The following TRIM63 variants were observed in gnomAD, a reference collection of about 807,000 sequenced individuals.
TRIM63 encodes the protein E3 ubiquitin-protein ligase TRIM63.
TRIM63 carries 48 observed loss-of-function variants against 46.0 expected under a neutral mutation model. The ratio of observed to expected loss-of-function variants is 1.04; its 90% confidence interval spans 0.83 to 1.33. The LOEUF is 1.33. Ranked by LOEUF, TRIM63 falls within the 40% of genes most tolerant of loss-of-function variation. The probability of loss-of-function intolerance (pLI) is 0.00; values close to 1 mark genes in which losing one functional copy is unlikely to be tolerated. For missense variants in TRIM63, 455 were observed against 441.2 expected (o/e 1.03, Z -0.28); for synonymous variants, 175 against 162.8 (o/e 1.08, Z -0.57).
intron 8 of TRIM63, among the ~76,000 whole-genome samples, chr1:26,052,227 C>CCACT (rs2050528716): frequency 6.6e-6 from 1 of 152,178 alleles, no homozygotes; most frequent in Non-Finnish European, 1.5e-5. Context: ...TATTCACTTC[C>CCACT]CACTACAACC....
At position 26,061,349 on chromosome 1, in the gene TRIM63, A is replaced by T; in HGVS notation, c.333-15T>A. On this transcript the variant is annotated splice_polypyrimidine_tract_variant and intron_variant, in intron 2 of 8. Transcript: ENST00000374272. ...GCAGCGGCCGACTGCAGTGGAGAACAGTCACAAGTCATGGGGGTCCTGTGT... is the reference window on the plus strand; with the variant it reads ...GCAGCGGCCGACTGCAGTGGAGAACTGTCACAAGTCATGGGGGTCCTGTGT... 5.6e-6 allele frequency: 9 copies of T among 1,612,160 alleles called. No individual in the cohort carries two copies. Among genetic ancestry groups the T allele is most frequent in the Non-Finnish European group, 7.6e-6 (9 of 1,178,872 alleles).
chr1:26,054,936 C>G (rs1376625446), intron 7 of TRIM63, among the ~76,000 whole-genome samples: 1 of 149,960 alleles, frequency 6.7e-6, no homozygotes, highest in African/African-American at 2.5e-5. Context: ...CCATTGCACT[C>G]CAACCTGGGC....
At chr1:26,061,404 A>T in intron 2 of TRIM63, 70 bp from the exon 3 acceptor site, 1 of 1,536,994 alleles carries the variant, frequency 6.5e-7, no homozygotes, top group Non-Finnish European at 8.9e-7. Flanking sequence ...GCTCCAATGC[A>T]CCAGTCGCAG....
Position 26,060,295 on chromosome 1 carries a change from G to A in TRIM63, c.568C>T (p.Gln190Ter). 6.2e-7 allele frequency: 1 copy of A among 1,614,074 alleles called. No homozygotes were observed. The highest frequency in any genetic ancestry group is 8.5e-7 in the Non-Finnish European group (1 of 1,180,006). ...GTCACTCGACGGGAATCCTCCAGCT[G>A]AGTGATGATGGTCTGCACACGGTCA... is the stretch of plus-strand genomic sequence containing the variant. ...GNDRVQTIIT[Q>*]LEDSRRVTKE... Residue 190 changes from glutamine to a stop codon, truncating the protein, a stop_gained, in exon 4 of 9, where the codon CAG becomes TAG. Coordinates refer to ENST00000374272, the MANE Select transcript of TRIM63 (RefSeq NM_032588.4). LOFTEE classifies it high-confidence loss of function.
Position 26,051,799 on chromosome 1 carries a change from C to A in TRIM63, c.*74G>T. The A allele has an allele frequency of 1.5e-5, 4 of 275,590 alleles. No individual in the cohort carries two copies. Among genetic ancestry groups the A allele is most frequent in the Non-Finnish European group, 2.8e-5 (4 of 142,546 alleles). 17.1% of individuals were successfully genotyped at this position (275,590 alleles called of 1,614,324 possible). On this transcript the variant is annotated 3_prime_UTR_variant, in exon 9 of 9. Coordinates refer to ENST00000374272, the MANE Select transcript of TRIM63 (RefSeq NM_032588.4). ...CCGACCCCTCCCACCCTGGGCCTGT[C>A]ACCAAGGCCGCTGGGCCCCTCCCCA...
chr1:26,059,150 G>A (rs1253220503), intron 4 of TRIM63, among the ~76,000 whole-genome samples: 3 of 148,982 alleles, frequency 2.0e-5, no homozygotes, highest in Non-Finnish European at 4.4e-5. Context: ...TCAGCCTCCC[G>A]AGTAGCTGGG....
rs35123100 is a variant in TRIM63, at chr1:26,066,333, C to A, written c.267G>T (p.Val89=). The change falls in exon 2 of 9, where the codon GTG becomes GTT. Residue 89 remains valine, a synonymous_variant. Coordinates refer to ENST00000374272, the MANE Select transcript of TRIM63 (RefSeq NM_032588.4). ...RHEVIMDRHG[V]YGLQRNLLVE... Reference sequence around the variant, plus strand: ...CCAGCAGGTTCCTCTGCAGGCCGTACACTCCGTGACGATCCATGATCACCT... The same window carrying A: ...CCAGCAGGTTCCTCTGCAGGCCGTAAACTCCGTGACGATCCATGATCACCT... 125,952 of 1,614,078 alleles carry A rather than the reference C, an allele frequency of 0.078. 5,918 individuals carry two copies. Among genetic ancestry groups the A allele is most frequent in the Non-Finnish European group, 0.095 (111,843 of 1,179,968 alleles).
intron 2 of TRIM63, among the ~76,000 whole-genome samples, chr1:26,063,156 G>A (rs3008224): frequency 0.21 from 31,398 of 151,866 alleles, 3,724 homozygotes; most frequent in African/African-American, 0.32. Flanking sequence ...CTGCAGCCTC[G>A]AACTCCTGGG....
intron 5 of TRIM63, 125 bp from the exon 6 acceptor site, chr1:26,057,775 T>G (rs2050586375): frequency 2.1e-6 from 2 of 971,688 alleles, no homozygotes; most frequent in South Asian, 3.5e-5. Context: ...AGTTGTGACC[T>G]GCTCCCCACC....
At position 26,051,821 on chromosome 1, in the gene TRIM63, C is replaced by A; in HGVS notation, c.*52G>T. ...TGTCACCAAGGCCGCTGGGCCCCTC[C>A]CCACCCTCTCCAGTCTCTCTGCATC... is the stretch of plus-strand genomic sequence containing the variant. On this transcript the variant is annotated 3_prime_UTR_variant, in exon 9 of 9. Coordinates refer to ENST00000374272, the MANE Select transcript of TRIM63 (RefSeq NM_032588.4). 7.5e-7 allele frequency: 1 copy of A among 1,337,762 alleles called. No individual in the cohort carries two copies. Among genetic ancestry groups the A allele is most frequent in the Non-Finnish European group, 9.6e-7 (1 of 1,036,726 alleles). 82.9% of individuals were successfully genotyped at this position (1,337,762 alleles called of 1,614,324 possible). A position where few individuals can be genotyped will look rare whatever the true frequency, so the allele number is the denominator to read the frequency against.
At chr1:26,054,088 C>T (rs575613282) in intron 7 of TRIM63, 124 bp from the exon 8 acceptor site, 1 of 631,824 alleles carries the variant, frequency 1.6e-6, no homozygotes, top group Non-Finnish European at 2.6e-6. Context: ...CAAACGGCCA[C>T]ACAGCGGCGG....
chr1:26,067,622 C>A lies in TRIM63; in HGVS notation c.-128G>T. ...CCTGTTGGCTTCCTTCTCCTGGTGC[C>A]CGAATTCTGTCTTGGTCTGAGGCCC... On this transcript the variant is annotated 5_prime_UTR_variant, in exon 1 of 9. Transcript: ENST00000374272. 9.6e-7 allele frequency: 1 copy of A among 1,040,704 alleles called. No individual in the cohort carries two copies. Among genetic ancestry groups the A allele is most frequent in the Non-Finnish European group, 1.4e-6 (1 of 728,996 alleles). The allele number at this position is 1,040,704 out of a possible 1,614,324, so 64.5% of individuals were successfully genotyped here. A position where few individuals can be genotyped will look rare whatever the true frequency, so the allele number is the denominator to read the frequency against.
Position 26,051,803 on chromosome 1 carries a change from A to G in TRIM63, c.*70T>C. 1 of 309,586 alleles carries G rather than the reference A, an allele frequency of 3.2e-6. No homozygotes were observed. Among genetic ancestry groups the G allele is most frequent in the East Asian group, 1.1e-4 (1 of 8,966 alleles). 19.2% of individuals were successfully genotyped at this position (309,586 alleles called of 1,614,324 possible). A position where few individuals can be genotyped will look rare whatever the true frequency, so the allele number is the denominator to read the frequency against. On this transcript the variant is annotated 3_prime_UTR_variant, in exon 9 of 9. Transcript: ENST00000374272. Reference sequence around the variant, plus strand: ...CCCCTCCCACCCTGGGCCTGTCACCAAGGCCGCTGGGCCCCTCCCCACCCT... The same window carrying G: ...CCCCTCCCACCCTGGGCCTGTCACCGAGGCCGCTGGGCCCCTCCCCACCCT...
At chr1:26,060,949 C>G (rs1335695259) in intron 3 of TRIM63, among the ~76,000 whole-genome samples, 1 of 152,168 alleles carries the variant, frequency 6.6e-6, no homozygotes. Context: ...TGTGGCCACA[C>G]CCAGGTGCTC....
At chr1:26,067,196 C>G in intron 1 of TRIM63, 140 bp downstream of exon 1, 1 of 1,071,032 alleles carries the variant, frequency 9.3e-7, no homozygotes, top group South Asian at 1.6e-5. Context: ...CCTCTCAGCC[C>G]TGTCCAGAGG....
At chr1:26,052,710 G>A (rs1054136095) in intron 8 of TRIM63, among the ~76,000 whole-genome samples, 6 of 152,002 alleles carry the variant, frequency 3.9e-5, no homozygotes, top group African/African-American at 9.6e-5. Context: ...CAGGTGATCC[G>A]CCTGCCTCGG....
chr1:26,057,269 T>G lies in TRIM63; in HGVS notation c.913A>C (p.Met305Leu). 6.2e-7 allele frequency: 1 copy of G among 1,614,166 alleles called. No homozygotes were observed. Among genetic ancestry groups the G allele is most frequent in the Non-Finnish European group, 8.5e-7 (1 of 1,180,030 alleles). The part of the protein sequence containing the change: ...LGKTEQGFEN[M>L]DFFTLDLEHI... The stretch of plus-strand genomic sequence containing the variant: ...TCTAAATCCAAAGTAAAGAAGTCCA[T>G]GTTCTCAAAGCCCTGCTCTGTCTTC... The change falls in exon 7 of 9, where the codon ATG (methionine) becomes CTG (leucine). Residue 305 changes from methionine to leucine, a missense_variant. Met to Leu is a conservative substitution (Grantham distance 15). Coordinates refer to ENST00000374272, the MANE Select transcript of TRIM63 (RefSeq NM_032588.4).
Position 26,066,396 on chromosome 1 carries a change from C to G in TRIM63, c.204G>C (p.Met68Ile). Residue 68 changes from methionine to isoleucine, a missense_variant, in exon 2 of 9, where the codon ATG becomes ATC. Met to Ile is a conservative substitution (Grantham distance 10, BLOSUM62 1). Transcript: ENST00000374272. ...TGGGGCAGCGGAAACGGCCTCCAGA[C>G]ATGGACACTGAGCTGCCCCGGCTGG... ...YWTSRGSSVS[M>I]SGGRFRCPTC... is the part of the protein sequence containing the mutation. 1.2e-6 allele frequency: 2 copies of G among 1,611,532 alleles called. No homozygotes were observed. Among genetic ancestry groups the G allele is most frequent in the South Asian group, 2.2e-5 (2 of 90,788 alleles).
In TRIM63 at chr1:26,066,264, C is replaced by T. The variant is rs751506815; in HGVS notation, c.332+4G>A. On this transcript the variant is annotated splice_donor_region_variant and intron_variant, in intron 2 of 8. Transcript: ENST00000374272. ...GCGGGCCCCCAGCAGGCACGAGAAC[C>T]GACCTGGAGCACTCCTGTTTGTAGA... is the stretch of plus-strand genomic sequence containing the variant. 25 of 1,613,958 alleles carry T rather than the reference C, an allele frequency of 1.5e-5. No individual in the cohort carries two copies. Among genetic ancestry groups the T allele is most frequent in the Non-Finnish European group, 2.1e-5 (25 of 1,179,990 alleles).
Sources: gnomAD v4.1 joint callset for allele counts (sites outside exome capture counted in the v4.1 genomes callset) on GRCh38, gnomAD v4.1.1 for gene constraint, MANE v1.5 for transcripts, NCBI Gene and HGNC (gene_info 2026-07-23, HGNC 2026-07-21) for gene names.